ROBO2: variants seen among roughly 807,000 people sequenced by gnomAD.
The protein encoded by ROBO2 is roundabout homolog 2.
Under a neutral mutation model 160.8 loss-of-function variants are expected in ROBO2, and 53 were observed. The ratio of observed to expected loss-of-function variants is 0.33; its 90% CI spans 0.26 to 0.41. ROBO2 has a LOEUF of 0.41. ROBO2 is among the 10% of genes least tolerant of loss of function. The pLI, the probability that ROBO2 is intolerant of heterozygous loss-of-function variation, is 1.00. For synonymous variants in ROBO2, 664 were observed against 611.7 expected, an observed-to-expected ratio of 1.09 and a Z score of -1.26; for missense variants, 1,577 against 1,722.4, an observed-to-expected ratio of 0.92 and a Z score of 1.49.
intron 2 of ROBO2, among the ~76,000 whole-genome samples, chr3:77,349,632 G>A (rs978345627): frequency 6.6e-6 from 1 of 152,128 alleles, no homozygotes; most frequent in African/African-American, 2.4e-5. Context: ...ACTTCAAGAG[G>A]ATACTCCAAA....
chr3:76,422,917 G>A (rs1354506908), intron 2 of ROBO2, among the ~76,000 whole-genome samples: 1 of 152,120 alleles, frequency 6.6e-6, no homozygotes, highest in African/African-American at 2.4e-5. Flanking sequence ...AAAGACACTA[G>A]GAAAATTATC....
At chr3:77,458,143 A>T (rs201651513) in intron 2 of ROBO2, among the ~76,000 whole-genome samples, 1 of 152,202 alleles carries the variant, frequency 6.6e-6, no homozygotes, top group South Asian at 2.1e-4. Flanking sequence ...GAGAGGGTAA[A>T]TAACTTGCTC....
chr3:77,472,177 T>C (rs1283613283), intron 2 of ROBO2, among the ~76,000 whole-genome samples: 1 of 152,114 alleles, frequency 6.6e-6, no homozygotes, highest in Admixed American at 6.5e-5. Context: ...GGAAGTGGCA[T>C]CCTACCACTT....
chr3:77,303,420 T>C (rs1451124371), intron 2 of ROBO2, among the ~76,000 whole-genome samples: 1 of 152,182 alleles, frequency 6.6e-6, no homozygotes, highest in Non-Finnish European at 1.5e-5. Context: ...TTTCTTTTGA[T>C]ATCACATTTA....
At chr3:77,016,822 T>C (rs1015950238) in intron 2 of ROBO2, among the ~76,000 whole-genome samples, 1 of 152,194 alleles carries the variant, frequency 6.6e-6, no homozygotes, top group African/African-American at 2.4e-5. Flanking sequence ...AAAGCTCTGA[T>C]CATTTGAATA....
At chr3:77,116,759 G>T (rs1347646402) in intron 2 of ROBO2, among the ~76,000 whole-genome samples, 3 of 152,060 alleles carry the variant, frequency 2.0e-5, no homozygotes, top group Non-Finnish European at 4.4e-5. Flanking sequence ...GCTATGCTTG[G>T]CAAGTCTTTC....
chr3:76,030,446 C>T (rs2066884177), intron 2 of ROBO2, among the ~76,000 whole-genome samples: 4 of 152,140 alleles, frequency 2.6e-5, no homozygotes, highest in African/African-American at 9.6e-5. Flanking sequence ...TTGCCCATGC[C>T]TATGTCCTGA....
At chr3:76,213,107 G>A (rs1482339557) in intron 2 of ROBO2, among the ~76,000 whole-genome samples, 1 of 152,072 alleles carries the variant, frequency 6.6e-6, no homozygotes, top group Non-Finnish European at 1.5e-5. Flanking sequence ...TCACTGTACA[G>A]AGGCATAGGG....
chr3:77,634,758 A>G, intron 23 of ROBO2, 112 bp from the exon 25 acceptor site: 1 of 995,232 alleles, frequency 1.0e-6, no homozygotes, highest in Non-Finnish European at 1.6e-6. Context: ...TGGTATCTTC[A>G]TATGTTATCT....
chr3:76,729,863 C>T (rs1276358396), intron 2 of ROBO2, among the ~76,000 whole-genome samples: 1 of 152,092 alleles, frequency 6.6e-6, no homozygotes, highest in Non-Finnish European at 1.5e-5. Flanking sequence ...GTCTCGAACT[C>T]CTGACCTCAG....
In ROBO2 at chr3:77,031,608, A is replaced by G. The variant is rs533534029; in HGVS notation, c.110-66406A>G. On this transcript the variant is annotated intron_variant, in intron 2 of 26. Transcript: ENST00000487694. ...ATATATTAAATTATAAGTATATCACATTATTGATATAAATTAATTATATAT... is the reference window on the plus strand; with the variant it reads ...ATATATTAAATTATAAGTATATCACGTTATTGATATAAATTAATTATATAT... 9.8e-4 allele frequency among the ~76,000 whole-genome samples: 143 copies of G among 146,132 alleles called. 1 individual carries two copies. Among genetic ancestry groups the G allele is most frequent in the African/African-American group, 3.3e-3 (133 of 40,448 alleles).
At chr3:76,377,669 T>C (rs1260525410) in intron 2 of ROBO2, among the ~76,000 whole-genome samples, 2 of 152,212 alleles carry the variant, frequency 1.3e-5, no homozygotes, top group Non-Finnish European at 2.9e-5. Flanking sequence ...CCAAAGTTCA[T>C]AGATGTTTAC....
chr3:76,111,445 G>T (rs1353513663), intron 2 of ROBO2, among the ~76,000 whole-genome samples: 2 of 151,978 alleles, frequency 1.3e-5, no homozygotes, highest in African/African-American at 4.8e-5. Flanking sequence ...TAAGCCACCT[G>T]GATGTTTCAC....
rs939713366 is a variant in ROBO2, at chr3:77,492,046, G to A, written c.668-1198G>A. On this transcript the variant is annotated intron_variant, in intron 4 of 25. Coordinates refer to ENST00000461745, the Ensembl canonical transcript of ROBO2. ...TTATTTTCTTTGAAGGTTTCCTGCCGAATACATTTTAGTTTTTGTGCCACT... is the reference window on the plus strand; with the variant it reads ...TTATTTTCTTTGAAGGTTTCCTGCCAAATACATTTTAGTTTTTGTGCCACT... 4.6e-5 allele frequency among the ~76,000 whole-genome samples: 7 copies of A among 151,946 alleles called. No individual in the cohort carries two copies. The East Asian group carries it at 5.8e-4, about 13-fold the overall frequency.
chr3:76,156,958 G>C (rs60733427), intron 2 of ROBO2, among the ~76,000 whole-genome samples: 3,320 of 152,290 alleles, frequency 0.022, 212 homozygotes, highest in East Asian at 0.21. Context: ...GGCAACAAGA[G>C]TGAAACTCTG....
At chr3:77,481,948 GA>G (rs2084747016) in intron 4 of ROBO2, among the ~76,000 whole-genome samples, 1 of 151,944 alleles carries the variant, frequency 6.6e-6, no homozygotes, top group African/African-American at 2.4e-5. Context: ...GAAAGAGAGA[GA>G]AAATGACAAA....
intron 1 of ROBO2, among the ~76,000 whole-genome samples, chr3:75,937,055 A>C (rs1947814985): frequency 6.6e-6 from 1 of 152,164 alleles, no homozygotes; most frequent in Non-Finnish European, 1.5e-5. Context: ...CTAAACTTAC[A>C]TAAATGTGTT....
chr3:77,235,617 G>A (rs1483622256), intron 2 of ROBO2, among the ~76,000 whole-genome samples: 1 of 152,056 alleles, frequency 6.6e-6, no homozygotes, highest in Non-Finnish European at 1.5e-5. Context: ...TAAAGAGAAA[G>A]TCTCAGATAT....
intron 2 of ROBO2, among the ~76,000 whole-genome samples, chr3:77,267,121 G>T (rs148690120): frequency 3.5e-4 from 53 of 152,174 alleles, no homozygotes; most frequent in African/African-American, 1.2e-3. Context: ...AAAGTTCAGG[G>T]ATTATTCAAT....
Sources: allele counts gnomAD v4.1 joint callset (sites outside exome capture counted in the v4.1 genomes callset), GRCh38; gene constraint gnomAD v4.1.1; transcripts MANE v1.5; gene names NCBI Gene and HGNC (gene_info 2026-07-23, HGNC 2026-07-21).